The following PLD5 variants were observed in gnomAD, a reference collection of about 807,000 sequenced individuals.
PLD5 encodes inactive phospholipase D5.
Under a neutral mutation model 61.1 loss-of-function variants are expected in PLD5, and 36 were observed. That is an observed-to-expected ratio of 0.59 (90% CI 0.45 to 0.78). The LOEUF is 0.78. PLD5 is among the 30% of genes least tolerant of loss of function. PLD5 has a pLI of 0.00. For synonymous variants in PLD5, 243 were observed against 242.8 expected (o/e 1.00, Z -0.01); for missense variants, 515 against 644.4 (o/e 0.80, Z 2.17).
At chr1:242,391,930 A>C (rs1662957758) in intron 1 of PLD5, among the ~76,000 whole-genome samples, 1 of 152,198 alleles carries the variant, frequency 6.6e-6, no homozygotes, top group South Asian at 2.1e-4. Context: ...AGAAAAGTAA[A>C]TTGTTCTGCC....
intron 5 of PLD5, among the ~76,000 whole-genome samples, chr1:242,219,337 G>A (rs1482907997): frequency 2.0e-5 from 3 of 152,148 alleles, no homozygotes; most frequent in Non-Finnish European, 4.4e-5. Flanking sequence ...TAGGTGTGGA[G>A]AGGAAGAGGA....
intron 5 of PLD5, among the ~76,000 whole-genome samples, chr1:242,212,677 G>A (rs1362461731): frequency 6.6e-6 from 1 of 152,238 alleles, no homozygotes; most frequent in African/African-American, 2.4e-5. Context: ...CTAAGCAGGT[G>A]CAAAGTGGCT....
intron 4 of PLD5, among the ~76,000 whole-genome samples, chr1:242,220,588 T>C (rs1222336531): frequency 1.3e-5 from 2 of 152,174 alleles, no homozygotes; most frequent in African/African-American, 4.8e-5. Context: ...TTATGCTTTC[T>C]ATACATTTTT....
chr1:242,523,654 CATTCGTTA>C (rs1553272864), intron 1 of PLD5, among the ~76,000 whole-genome samples: 1 of 152,216 alleles, frequency 6.6e-6, no homozygotes, highest in Non-Finnish European at 1.5e-5. Flanking sequence ...CAACTTTACT[CATTCGTTA>C]ATTTGCTAGT....
At chr1:242,350,934 T>C (rs1574779541) in intron 1 of PLD5, among the ~76,000 whole-genome samples, 1 of 150,420 alleles carries the variant, frequency 6.6e-6, no homozygotes, top group East Asian at 1.9e-4. Flanking sequence ...AGAGTTTCAA[T>C]CTTGTTGCCC....
intron 5 of PLD5, among the ~76,000 whole-genome samples, chr1:242,207,788 ATT>A (rs1215908567): frequency 1.1e-5 from 1 of 92,056 alleles, no homozygotes; most frequent in Non-Finnish European, 1.9e-5. Context: ...ATATATTTAT[ATT>A]TATATATATT....
chr1:242,455,323 G>A (rs1021921196), intron 1 of PLD5, among the ~76,000 whole-genome samples: 4 of 151,912 alleles, frequency 2.6e-5, no homozygotes, highest in African/African-American at 9.7e-5. Flanking sequence ...GAGCTCACTG[G>A]ATTGATTTAT....
intron 1 of PLD5, among the ~76,000 whole-genome samples, chr1:242,418,695 T>C (rs1664962571): frequency 6.6e-6 from 1 of 152,188 alleles, no homozygotes; most frequent in African/African-American, 2.4e-5. Context: ...GTGGGCTTTC[T>C]TGCACTCAAT....
chr1:242,107,891 A>G (rs895125419), intron 7 of PLD5, 52 bp from the exon 8 acceptor site: 4 of 1,481,404 alleles, frequency 2.7e-6, no homozygotes, highest in Non-Finnish European at 3.7e-6. Context: ...GTTTGGGAAA[A>G]GAAATTTACT....
chr1:242,249,776 A>C (rs1169346020), intron 4 of PLD5, among the ~76,000 whole-genome samples: 2 of 152,254 alleles, frequency 1.3e-5, no homozygotes, highest in East Asian at 3.8e-4. Context: ...ATTGGAGCTT[A>C]TTAAAGGAAC....
At chr1:242,337,246 G>A (rs1260200916) in intron 2 of PLD5, among the ~76,000 whole-genome samples, 1 of 13,924 alleles carries the variant, frequency 7.2e-5, no homozygotes, top group East Asian at 1.7e-3. Flanking sequence ...TATTTTCATA[G>A]AAGTATAAAC....
At chr1:242,413,694 G>C (rs529646647) in intron 1 of PLD5, among the ~76,000 whole-genome samples, 1 of 152,192 alleles carries the variant, frequency 6.6e-6, no homozygotes, top group African/African-American at 2.4e-5. Context: ...GGTAGGAAAA[G>C]CTTCATGGAG....
At chr1:242,163,605 T>C (rs936511171) in intron 5 of PLD5, among the ~76,000 whole-genome samples, 8 of 152,136 alleles carry the variant, frequency 5.3e-5, no homozygotes, top group African/African-American at 1.9e-4. Context: ...TTCTAATAAA[T>C]GTGAAATAGG....
Position 242,379,869 on chromosome 1 carries a change from A to G in PLD5, c.190-31627T>C, listed in dbSNP as rs148004380. Among the ~76,000 whole-genome samples, 53 of 152,264 alleles carry G rather than the reference A, an allele frequency of 3.5e-4. No homozygotes were observed. In the East Asian group the frequency reaches 8.5e-3, roughly 24 times the overall value. ...TGCTCCAAGCATCTGCTTTTATTCT[A>G]TGACCCAGTTTACCTTTTACAGCCC... On this transcript the variant is annotated intron_variant, in intron 1 of 9. Coordinates refer to ENST00000536534, the MANE Select transcript of PLD5 (RefSeq NM_001372062.1).
chr1:242,319,974 T>C (rs1206879767), intron 2 of PLD5, among the ~76,000 whole-genome samples: 6 of 152,230 alleles, frequency 3.9e-5, no homozygotes, highest in Non-Finnish European at 7.3e-5. Flanking sequence ...TACCTGCTTT[T>C]TTCCCTTTAA....
At chr1:242,395,787 C>T (rs1663537276) in intron 1 of PLD5, among the ~76,000 whole-genome samples, 3 of 152,192 alleles carry the variant, frequency 2.0e-5, no homozygotes, top group South Asian at 2.1e-4. Context: ...CAGTGGCTCA[C>T]GCCTGTAATC....
chr1:242,175,011 T>G (rs988851949), intron 5 of PLD5, among the ~76,000 whole-genome samples: 13 of 152,122 alleles, frequency 8.5e-5, no homozygotes, highest in African/African-American at 1.4e-4. Flanking sequence ...CTGCACGTTG[T>G]GCACATGTAC....
chr1:242,464,672 G>T (rs1667220404), intron 1 of PLD5, among the ~76,000 whole-genome samples: 1 of 152,088 alleles, frequency 6.6e-6, no homozygotes, highest in Non-Finnish European at 1.5e-5. Context: ...ATACCCCAAA[G>T]AACTGAAAAC....
At chr1:242,233,153 C>CG in intron 4 of PLD5, among the ~76,000 whole-genome samples, 1 of 112,370 alleles carries the variant, frequency 8.9e-6, no homozygotes, top group African/African-American at 3.1e-5. Context: ...GATTCTGACT[C>CG]AAATGAATGA....
Sources: gnomAD v4.1 joint callset for allele counts (sites outside exome capture counted in the v4.1 genomes callset) on GRCh38, gnomAD v4.1.1 for gene constraint, MANE v1.5 for transcripts, NCBI Gene and HGNC (gene_info 2026-07-23, HGNC 2026-07-21) for gene names.